Variants in TNN observed in about 807,000 individuals in gnomAD.
TNN encodes tenascin N.
A neutral mutation model predicts 134.4 loss-of-function variants in TNN; 122 were observed. That is an observed-to-expected ratio of 0.91 (90% CI 0.78 to 1.06). The LOEUF is 1.06. Ranked by LOEUF, TNN falls within the 50% of genes least tolerant of loss-of-function variation. The pLI is 0.00. For missense variants in TNN, 1,739 were observed against 1,699.4 expected, an observed-to-expected ratio of 1.02 and a Z score of -0.41; for synonymous variants, 710 against 670.3, an observed-to-expected ratio of 1.06 and a Z score of -0.91.
At chr1:175,088,439 CCTT>C (rs1674369232) in intron 6 of TNN, among the ~76,000 whole-genome samples, 1 of 152,190 alleles carries the variant, frequency 6.6e-6, no homozygotes, top group Non-Finnish European at 1.5e-5. Flanking sequence ...CACCTCCCCT[CCTT>C]CTTGCCCATT....
At chr1:175,073,007 G>A (rs1673956164) in intron 1 of TNN, among the ~76,000 whole-genome samples, 2 of 114,124 alleles carry the variant, frequency 1.8e-5, no homozygotes, top group Admixed American at 1.0e-4. Flanking sequence ...GTCTCAGGCT[G>A]GGGGTGGGGG....
At position 175,123,467 on chromosome 1, in the gene TNN, C is replaced by A; in HGVS notation, c.2718C>A (p.Asp906Glu). ...VTENMATVSW[D>E]PVQATIDKYM... is the part of the protein sequence containing the mutation. ...AGAATATGGCCACTGTCTCCTGGGA[C>A]CCGGTTCAGGCCACCATTGACAAGT... Residue 906 changes from aspartate to glutamate, a missense_variant, in exon 12 of 19, where the codon GAC becomes GAA. By Grantham distance (45) the Asp-to-Glu change is conservative (BLOSUM62 2). Transcript: ENST00000239462. The A allele has an allele frequency of 1.2e-6, 2 of 1,614,182 alleles. No individual in the cohort carries two copies. Among genetic ancestry groups the A allele is most frequent in the Non-Finnish European group, 8.5e-7 (1 of 1,180,036 alleles).
At position 175,079,439 on chromosome 1, in the gene TNN, C is replaced by T. The variant is rs1284550122; in HGVS notation, c.516C>T (p.Pro172=). Residue 172 remains proline, a synonymous_variant, in exon 3 of 19, where the codon CCC becomes CCT. Transcript: ENST00000239462. ...EGPACERLAC[P]GACSGHGRCV... ...CCGCCTGCGAGCGGCTGGCCTGCCC[C>T]GGGGCGTGCAGCGGCCACGGGCGTT... is the stretch of plus-strand genomic sequence containing the variant. The T allele has an allele frequency of 3.2e-5, 50 of 1,581,002 alleles. No homozygotes were observed. Among genetic ancestry groups the T allele is most frequent in the Middle Eastern group, 1.7e-4 (1 of 6,038 alleles).
At position 175,128,046 on chromosome 1, in the gene TNN, A is replaced by T; in HGVS notation, c.3060A>T (p.Gly1020=). The T allele has an allele frequency of 6.2e-7, 1 of 1,614,194 alleles. No homozygotes were observed. The highest frequency in any genetic ancestry group is 8.5e-7 in the Non-Finnish European group (1 of 1,180,020). Residue 1020 remains glycine (G), a synonymous_variant, in exon 14 of 19, where the codon GGA becomes GGT. Transcript: ENST00000239462. ...PDGTVKEMQL[G]REDQRFALQG... ...TTGTTTGGTAGGAGATGCAGCTGGG[A>T]CGGGAAGACCAGAGGTTTGCGTTGC... is the stretch of plus-strand genomic sequence containing the variant.
intron 1 of TNN, among the ~76,000 whole-genome samples, chr1:175,068,605 T>C (rs1301348061): frequency 6.6e-6 from 1 of 152,122 alleles, no homozygotes; most frequent in African/African-American, 2.4e-5. Context: ...TTTCAAGACA[T>C]CTAAAAAAAT....
intron 9 of TNN, among the ~76,000 whole-genome samples, chr1:175,101,401 G>C (rs995640822): frequency 2.6e-5 from 4 of 151,502 alleles, no homozygotes; most frequent in Non-Finnish European, 4.4e-5. Flanking sequence ...CATAAAAGCA[G>C]CGTGGACCCA....
intron 11 of TNN, among the ~76,000 whole-genome samples, chr1:175,123,020 G>T (rs1205703751): frequency 1.3e-5 from 2 of 152,172 alleles, no homozygotes; most frequent in Non-Finnish European, 2.9e-5. Context: ...AGTCGGAAAG[G>T]TTGGAGGATA....
At chr1:175,146,680 A>T (rs534508384) in intron 18 of TNN, among the ~76,000 whole-genome samples, 1 of 151,726 alleles carries the variant, frequency 6.6e-6, no homozygotes, top group Non-Finnish European at 1.5e-5. Flanking sequence ...CTCCCACCAT[A>T]GAGACCGCCA....
chr1:175,141,675 T>C (rs899829645), intron 17 of TNN, among the ~76,000 whole-genome samples: 1 of 152,192 alleles, frequency 6.6e-6, no homozygotes, highest in African/African-American at 2.4e-5. Flanking sequence ...AAGGTTCAGC[T>C]GCCTGGGCCA....
intron 1 of TNN, among the ~76,000 whole-genome samples, chr1:175,072,674 T>C (rs1673941530): frequency 6.6e-6 from 1 of 152,160 alleles, no homozygotes; most frequent in Non-Finnish European, 1.5e-5. Flanking sequence ...CTTGACAGAA[T>C]GTTAGGTTGA....
chr1:175,075,780 C>T (rs1435777149), intron 1 of TNN, among the ~76,000 whole-genome samples: 2 of 152,126 alleles, frequency 1.3e-5, no homozygotes, highest in East Asian at 1.9e-4. Flanking sequence ...GACAAGGAGG[C>T]GGAGGCTCAG....
At chr1:175,073,537 C>G (rs147530388) in intron 1 of TNN, among the ~76,000 whole-genome samples, 1 of 152,184 alleles carries the variant, frequency 6.6e-6, no homozygotes, top group Admixed American at 6.5e-5. Flanking sequence ...GTCTCTCATC[C>G]AGGCCACATC....
In TNN at chr1:175,092,935, T is replaced by A. The variant is rs562449960; in HGVS notation, c.1325-1055T>A. On this transcript the variant is annotated intron_variant, in intron 6 of 18. Transcript: ENST00000239462. ...GCTGCAGTGGCCTGCACCCCCACCATCTTGCATATACACCACTGAAGCAGC... is the reference window on the plus strand; with the variant it reads ...GCTGCAGTGGCCTGCACCCCCACCAACTTGCATATACACCACTGAAGCAGC... Among the ~76,000 whole-genome samples, 11 of 152,314 alleles carry A rather than the reference T, an allele frequency of 7.2e-5. 1 individual carries two copies. In the East Asian group the frequency reaches 1.4e-3, roughly 19 times the overall value.
chr1:175,102,345 G>A (rs1164350031), intron 9 of TNN, among the ~76,000 whole-genome samples: 1 of 146,318 alleles, frequency 6.8e-6, no homozygotes, highest in Non-Finnish European at 1.5e-5. Context: ...GTGCCATGGA[G>A]CAGGGGATGG....
chr1:175,131,035 A>C (rs1675663044), intron 15 of TNN, among the ~76,000 whole-genome samples: 1 of 152,012 alleles, frequency 6.6e-6, no homozygotes, highest in African/African-American at 2.4e-5. Flanking sequence ...GACAGTTGTT[A>C]CAGTTTTTTT....
At chr1:175,092,842 A>G (rs1230661523) in intron 6 of TNN, among the ~76,000 whole-genome samples, 2 of 152,176 alleles carry the variant, frequency 1.3e-5, no homozygotes, top group African/African-American at 4.8e-5. Flanking sequence ...TGTTGAATCC[A>G]TCAGCAGATT....
intron 12 of TNN, among the ~76,000 whole-genome samples, chr1:175,124,987 A>T (rs983816161): frequency 2.0e-5 from 3 of 152,234 alleles, no homozygotes; most frequent in Non-Finnish European, 4.4e-5. Flanking sequence ...TCAAGTCCAT[A>T]ACCAGGGAGT....
chr1:175,118,970 A>G, intron 11 of TNN, 146 bp downstream of exon 11: 1 of 1,186,104 alleles, frequency 8.4e-7, no homozygotes, highest in South Asian at 1.6e-5. Context: ...ACAAAACAAA[A>G]CAAAAACAAA....
intron 12 of TNN, among the ~76,000 whole-genome samples, chr1:175,126,069 A>G (rs1010337781): frequency 6.8e-6 from 1 of 148,108 alleles, no homozygotes; most frequent in African/African-American, 2.5e-5. Flanking sequence ...TTCAATATGT[A>G]ACAGTATGTA....
Sources: gnomAD v4.1 joint callset for allele counts (sites outside exome capture counted in the v4.1 genomes callset) on GRCh38, gnomAD v4.1.1 for gene constraint, MANE v1.5 for transcripts, NCBI Gene and HGNC (gene_info 2026-07-23, HGNC 2026-07-21) for gene names.